RALGAPA2: variants seen among roughly 807,000 people sequenced by gnomAD.
The protein encoded by RALGAPA2 is Ral GTPase activating protein catalytic subunit alpha 2.
Under a neutral mutation model 230.4 loss-of-function variants are expected in RALGAPA2, and 139 were observed. That is an observed-to-expected ratio of 0.60 (90% CI 0.53 to 0.69). The LOEUF is 0.69. RALGAPA2 is among the 30% of genes least tolerant of loss of function. The pLI is 0.00. For synonymous variants in RALGAPA2, 847 were observed against 837.8 expected, an observed-to-expected ratio of 1.01 and a Z score of -0.19; for missense variants, 2,163 against 2,276.0, an observed-to-expected ratio of 0.95 and a Z score of 1.01.
chr20:20,702,559 T>C (rs1248409489), intron 1 of RALGAPA2, among the ~76,000 whole-genome samples: 1 of 152,160 alleles, frequency 6.6e-6, no homozygotes, highest in Non-Finnish European at 1.5e-5. Flanking sequence ...ACAGGCAGCA[T>C]TAATACTCCT....
At position 20,561,406 on chromosome 20, in the gene RALGAPA2, G is replaced by A. The variant is rs73124422; in HGVS notation, c.3156+10052C>T. ...GAAGTGGAACCTGAGCCCCCTTCCT[G>A]CCTCCTTTCATACATACAGTGCCTT... is the stretch of plus-strand genomic sequence containing the variant. On this transcript the variant is annotated intron_variant, in intron 23 of 39. Coordinates refer to ENST00000202677, the MANE Select transcript of RALGAPA2 (RefSeq NM_020343.4). 2.8e-3 allele frequency among the ~76,000 whole-genome samples: 428 copies of A among 152,304 alleles called. 2 individuals carry two copies. Among genetic ancestry groups the A allele is most frequent in the Non-Finnish European group, 4.8e-3 (325 of 68,030 alleles).
intron 38 of RALGAPA2, among the ~76,000 whole-genome samples, chr20:20,411,766 G>A (rs145521956): frequency 1.3e-5 from 2 of 152,276 alleles, no homozygotes; most frequent in South Asian, 2.1e-4. Context: ...TGAATGAACC[G>A]GAGCACATTA....
At chr20:20,686,041 A>C (rs1294521291) in intron 1 of RALGAPA2, among the ~76,000 whole-genome samples, 1 of 152,082 alleles carries the variant, frequency 6.6e-6, no homozygotes, top group Non-Finnish European at 1.5e-5. Context: ...AACCAAAGAT[A>C]ATCTTCTACA....
intron 7 of RALGAPA2, among the ~76,000 whole-genome samples, chr20:20,639,111 G>A (rs983096636): frequency 2.0e-5 from 3 of 152,178 alleles, no homozygotes; most frequent in Non-Finnish European, 4.4e-5. Context: ...CAGGGCAGAA[G>A]GCAGCTAACA....
chr20:20,565,569 G>A (rs80067240), intron 23 of RALGAPA2, among the ~76,000 whole-genome samples: 91 of 152,202 alleles, frequency 6.0e-4, no homozygotes, highest in African/African-American at 2.0e-3. Flanking sequence ...TGTAACACCC[G>A]TTAAGAAAAT....
At chr20:20,704,015 T>C (rs1320630112) in intron 1 of RALGAPA2, among the ~76,000 whole-genome samples, 2 of 152,186 alleles carry the variant, frequency 1.3e-5, no homozygotes, top group Non-Finnish European at 2.9e-5. Flanking sequence ...GTCCTTTTTT[T>C]AAGAGGTTAT....
chr20:20,573,650 TG>T (rs2064723380), intron 20 of RALGAPA2, among the ~76,000 whole-genome samples: 1 of 152,226 alleles, frequency 6.6e-6, no homozygotes, highest in Non-Finnish European at 1.5e-5. Flanking sequence ...CTTTGTTCTC[TG>T]TTCCTATAGT....
At chr20:20,516,405 T>G (rs971797916) in intron 31 of RALGAPA2, among the ~76,000 whole-genome samples, 2 of 152,196 alleles carry the variant, frequency 1.3e-5, no homozygotes, top group African/African-American at 4.8e-5. Context: ...CACCACCTCA[T>G]GGCTGCAAGC....
At chr20:20,472,771 G>A in intron 37 of RALGAPA2, 58 bp downstream of exon 37, 1 of 1,549,920 alleles carries the variant, frequency 6.5e-7, no homozygotes, top group South Asian at 1.2e-5. Context: ...ATGAAAAACT[G>A]CCAGGAATCT....
At chr20:20,696,286 C>A (rs531987590) in intron 1 of RALGAPA2, among the ~76,000 whole-genome samples, 1 of 152,176 alleles carries the variant, frequency 6.6e-6, no homozygotes, top group Admixed American at 6.5e-5. Flanking sequence ...CTTTCTCTCT[C>A]TTCCCTCTTC....
intron 23 of RALGAPA2, among the ~76,000 whole-genome samples, chr20:20,569,790 A>C (rs1277145034): frequency 6.6e-6 from 1 of 152,176 alleles, no homozygotes; most frequent in Non-Finnish European, 1.5e-5. Context: ...AATTCATTCT[A>C]AGGAACATTG....
intron 36 of RALGAPA2, among the ~76,000 whole-genome samples, chr20:20,492,539 AGGCTGGGGAATG>A (rs1417224400): frequency 6.6e-6 from 1 of 152,166 alleles, no homozygotes; most frequent in Non-Finnish European, 1.5e-5. Context: ...ACTAGTTAAA[AGGCTGGGGAATG>A]GGTAAATTAT....
In RALGAPA2 at chr20:20,499,862, T is replaced by C. The variant is rs1204512279; in HGVS notation, c.5208+3489A>G. On this transcript the variant is annotated intron_variant, in intron 35 of 39. Transcript: ENST00000202677. ...GCTGCCCATCATATACAGGCACACC[T>C]CAGAGATATTATAGGCTTGGTTTCA... is the stretch of plus-strand genomic sequence containing the variant. Among the ~76,000 whole-genome samples the C allele has an allele frequency of 2.0e-5, 3 of 152,220 alleles. No individual in the cohort carries two copies. The East Asian group carries it at 5.8e-4, about 29-fold the overall frequency.
rs181394192 is a variant in RALGAPA2 at position 20,683,011 on chromosome 20, G to A, written c.107-2210C>T. On this transcript the variant is annotated intron_variant, in intron 1 of 39. Transcript: ENST00000202677. ...CTTAAAGGCCTCTCAAATTAAACACGTCCACAGGGAAGTCCTCCATCAGAT... is the reference window on the plus strand; with the variant it reads ...CTTAAAGGCCTCTCAAATTAAACACATCCACAGGGAAGTCCTCCATCAGAT... Among the ~76,000 whole-genome samples, 761 of 152,160 alleles carry A rather than the reference G, an allele frequency of 5.0e-3. 5 individuals carry two copies. Among genetic ancestry groups the A allele is most frequent in the African/African-American group, 0.017 (721 of 41,508 alleles).
chr20:20,603,185 G>A (rs901767603), intron 15 of RALGAPA2, among the ~76,000 whole-genome samples: 17 of 152,088 alleles, frequency 1.1e-4, no homozygotes, highest in African/African-American at 3.4e-4. Context: ...GAAGAAAAAC[G>A]GATCTGTTAA....
At chr20:20,591,119 C>T in intron 17 of RALGAPA2, 58 bp downstream of exon 17, 1 of 1,573,160 alleles carries the variant, frequency 6.4e-7, no homozygotes, top group Non-Finnish European at 8.7e-7. Flanking sequence ...CTATATGCAG[C>T]TTTTATTCCT....
intron 36 of RALGAPA2, among the ~76,000 whole-genome samples, chr20:20,479,268 T>C (rs1057512034): frequency 2.6e-5 from 4 of 152,336 alleles, no homozygotes; most frequent in Admixed American, 6.5e-5. Context: ...CAAATAACTA[T>C]TATTTTGGAG....
At chr20:20,597,535 T>C (rs1040030418) in intron 16 of RALGAPA2, among the ~76,000 whole-genome samples, 1 of 152,112 alleles carries the variant, frequency 6.6e-6, no homozygotes, top group Non-Finnish European at 1.5e-5. Flanking sequence ...CAGTATGACA[T>C]AGTTTAGTAC....
At chr20:20,556,512 T>C (rs755944625) in intron 23 of RALGAPA2, among the ~76,000 whole-genome samples, 4 of 152,216 alleles carry the variant, frequency 2.6e-5, no homozygotes, top group Admixed American at 6.5e-5. Flanking sequence ...ACGTAATGAC[T>C]GTCTTAGTCA....
Sources: allele counts gnomAD v4.1 joint callset (sites outside exome capture counted in the v4.1 genomes callset), GRCh38; gene constraint gnomAD v4.1.1; transcripts MANE v1.5; gene names NCBI Gene and HGNC (gene_info 2026-07-23, HGNC 2026-07-21).